FTO: variants seen among roughly 807,000 people sequenced by gnomAD.
FTO encodes the protein FTO alpha-ketoglutarate dependent dioxygenase, also known as alpha-ketoglutarate-dependent dioxygenase FTO.
Under a neutral mutation model 63.9 loss-of-function variants are expected in FTO, and 47 were observed. That is an observed-to-expected ratio of 0.74 (90% CI 0.58 to 0.94). The LOEUF (loss-of-function observed/expected upper bound fraction) is 0.94. FTO is among the 40% of genes least tolerant of loss of function. The pLI is 0.00. For missense variants in FTO, 562 were observed against 618.1 expected, an observed-to-expected ratio of 0.91 and a Z score of 0.96; for synonymous variants, 207 against 224.4, an observed-to-expected ratio of 0.92 and a Z score of 0.69.
At chr16:54,091,455 A>G (rs1247416879) in intron 8 of FTO, among the ~76,000 whole-genome samples, 2 of 152,174 alleles carry the variant, frequency 1.3e-5, no homozygotes, top group African/African-American at 4.8e-5. Flanking sequence ...TGGGAGGATC[A>G]CTTGAGCTTA....
At chr16:53,794,810 A>G (rs763849365) in intron 1 of FTO, among the ~76,000 whole-genome samples, 2 of 152,196 alleles carry the variant, frequency 1.3e-5, no homozygotes, top group African/African-American at 2.4e-5. Flanking sequence ...ATGGAGGGAA[A>G]GGTGAGCACA....
At chr16:53,950,329 T>C (rs2143510345) in intron 8 of FTO, among the ~76,000 whole-genome samples, 1 of 152,178 alleles carries the variant, frequency 6.6e-6, no homozygotes, top group South Asian at 2.1e-4. Context: ...GAAATTTAAA[T>C]ACTTTGTATT....
At chr16:53,973,257 C>A (rs2143749936) in intron 8 of FTO, among the ~76,000 whole-genome samples, 1 of 152,300 alleles carries the variant, frequency 6.6e-6, no homozygotes, top group Non-Finnish European at 1.5e-5. Flanking sequence ...GAGGCTGACC[C>A]CAGATGCTCT....
At chr16:54,094,756 G>A (rs1371065383) in intron 8 of FTO, among the ~76,000 whole-genome samples, 1 of 152,024 alleles carries the variant, frequency 6.6e-6, no homozygotes, top group African/African-American at 2.4e-5. Context: ...GGACGCCACC[G>A]AAGAGGCGTA....
chr16:54,098,100 C>T (rs2086555940), intron 8 of FTO, among the ~76,000 whole-genome samples: 1 of 152,156 alleles, frequency 6.6e-6, no homozygotes, highest in African/African-American at 2.4e-5. Context: ...GGAAAGGGTC[C>T]ATCATGGAGG....
intron 1 of FTO, among the ~76,000 whole-genome samples, chr16:53,783,183 T>A (rs540204491): frequency 1.1e-4 from 17 of 152,206 alleles, no homozygotes; most frequent in African/African-American, 2.2e-4. Flanking sequence ...CTGTATTTTT[T>A]AAAAATTTAA....
intron 8 of FTO, among the ~76,000 whole-genome samples, chr16:54,006,190 C>G (rs1433113780): frequency 6.6e-6 from 1 of 152,126 alleles, no homozygotes; most frequent in East Asian, 1.9e-4. Context: ...TTACTAAGCC[C>G]TATTTCAGAC....
At chr16:53,738,711 G>C (rs1034192431) in intron 1 of FTO, among the ~76,000 whole-genome samples, 2 of 152,136 alleles carry the variant, frequency 1.3e-5, no homozygotes, top group Non-Finnish European at 2.9e-5. Context: ...AAATGTATTA[G>C]AGTTCCATTT....
At chr16:53,812,895 A>G (rs1390547621) in intron 2 of FTO, among the ~76,000 whole-genome samples, 2 of 152,238 alleles carry the variant, frequency 1.3e-5, no homozygotes, top group African/African-American at 2.4e-5. Flanking sequence ...AAGACAGGTA[A>G]ACCCACAAAA....
At chr16:54,076,574 G>A (rs2085997950) in intron 8 of FTO, among the ~76,000 whole-genome samples, 1 of 152,082 alleles carries the variant, frequency 6.6e-6, no homozygotes, top group Non-Finnish European at 1.5e-5. Context: ...GTGTTTGTAT[G>A]TATATGCATA....
intron 3 of FTO, among the ~76,000 whole-genome samples, chr16:53,835,313 T>A (rs2079258573): frequency 6.6e-6 from 1 of 152,190 alleles, no homozygotes; most frequent in African/African-American, 2.4e-5. Context: ...CTCCTCACGT[T>A]CCTGCATCCT....
chr16:54,087,809 G>T (rs1164327055), intron 8 of FTO, among the ~76,000 whole-genome samples: 1 of 151,966 alleles, frequency 6.6e-6, no homozygotes, highest in Non-Finnish European at 1.5e-5. Context: ...AAAAGACAAA[G>T]AAATTTACAA....
chr16:54,048,191 C>A (rs1387272888), intron 8 of FTO, among the ~76,000 whole-genome samples: 4 of 97,378 alleles, frequency 4.1e-5, no homozygotes, highest in South Asian at 3.3e-4. Flanking sequence ...TCAGGTCTAA[C>A]AAAGACTTCT....
rs148847113 is a variant in FTO, at chr16:53,888,894, C to T, written c.1182C>T (p.Asp394=). Residue 394 remains aspartate (D), a synonymous_variant, in exon 7 of 9, where the codon GAC becomes GAT. Coordinates refer to ENST00000471389, the MANE Select transcript of FTO (RefSeq NM_001080432.3). The stretch of plus-strand genomic sequence containing the variant: ...GCAATCGATACAGAAAGTGCACTGA[C>T]TGGTGGTGTCAACCCATGGCTCAAC... The part of the protein sequence containing the change: ...FQGNRYRKCT[D]WWCQPMAQLE... The T allele has an allele frequency of 3.5e-5, 57 of 1,613,912 alleles. No homozygotes were observed. In the African/African-American group the frequency reaches 5.9e-4, roughly 17 times the overall value.
intron 8 of FTO, among the ~76,000 whole-genome samples, chr16:54,030,873 A>G (rs1298884009): frequency 6.6e-6 from 1 of 152,206 alleles, no homozygotes; most frequent in Admixed American, 6.5e-5. Context: ...TTCCCTTTAG[A>G]ACAAAAACTG....
At chr16:53,806,170 A>G (rs1429696604) in intron 1 of FTO, among the ~76,000 whole-genome samples, 2 of 152,210 alleles carry the variant, frequency 1.3e-5, no homozygotes, top group Non-Finnish European at 2.9e-5. Flanking sequence ...CTAGTCTGCA[A>G]TAGTTTTCCA....
At position 54,119,127 on chromosome 16, in the gene FTO, C is replaced by T. The variant is rs1424727818; in HGVS notation, c.*7212C>T. Reference sequence around the variant, plus strand: ...AAGGCCTCTTTAGGTTTTTCAGACTCCATGCACCCTGTGGAAACTGCCTTT... The same window carrying T: ...AAGGCCTCTTTAGGTTTTTCAGACTTCATGCACCCTGTGGAAACTGCCTTT... On this transcript the variant is annotated 3_prime_UTR_variant, in exon 9 of 9. Coordinates refer to ENST00000471389, the MANE Select transcript of FTO (RefSeq NM_001080432.3). The T allele has an allele frequency of 1.3e-5, 2 of 152,146 alleles. No homozygotes were observed. Among genetic ancestry groups the T allele is most frequent in the Non-Finnish European group, 2.9e-5 (2 of 68,046 alleles). 9.4% of individuals were successfully genotyped at this position (152,146 alleles called of 1,614,324 possible). A position where few individuals can be genotyped will look rare whatever the true frequency, so the allele number is the denominator to read the frequency against.
intron 8 of FTO, among the ~76,000 whole-genome samples, chr16:54,014,844 C>G (rs1479511227): frequency 1.0e-5 from 1 of 95,656 alleles, no homozygotes; most frequent in Admixed American, 1.0e-4. Context: ...CTTTCTCTCT[C>G]TCTCTCTTTT....
chr16:54,002,407 A>C (rs1216635751), intron 8 of FTO, among the ~76,000 whole-genome samples: 1 of 152,206 alleles, frequency 6.6e-6, no homozygotes, highest in Admixed American at 6.5e-5. Flanking sequence ...CCTCCTAGGC[A>C]CCTGATACTT....
Sources: allele counts gnomAD v4.1 joint callset (sites outside exome capture counted in the v4.1 genomes callset), GRCh38; gene constraint gnomAD v4.1.1; transcripts MANE v1.5; gene names NCBI Gene and HGNC (gene_info 2026-07-23, HGNC 2026-07-21).